FANCB: variants seen among roughly 807,000 people sequenced by gnomAD.
FANCB encodes the protein Fanconi anemia group B protein.
A neutral mutation model predicts 38.9 loss-of-function variants in FANCB; 5 were observed. That is an observed-to-expected ratio of 0.13 (90% CI 0.07 to 0.27). The LOEUF (loss-of-function observed/expected upper bound fraction) is 0.27. FANCB is among the 10% of genes least tolerant of loss of function. FANCB has a pLI of 1.00. For synonymous variants in FANCB, 236 were observed against 215.4 expected, an observed-to-expected ratio of 1.10 and a Z score of -0.84; for missense variants, 573 against 602.7, an observed-to-expected ratio of 0.95 and a Z score of 0.52.
the FANCB span, among the ~76,000 whole-genome samples, chrX:14,753,813 C>T: frequency 1.2e-4 from 14 of 112,064 alleles, no homozygotes; most frequent in South Asian, 3.7e-4. Context: ...TGTGGCAGAG[C>T]GCTTCCCTAG....
the FANCB span, among the ~76,000 whole-genome samples, chrX:14,809,310 G>A: frequency 1.8e-5 from 2 of 112,489 alleles, no homozygotes; most frequent in South Asian, 3.7e-4. Context: ...TCTCACTAGG[G>A]AGTGCCAGAC....
At chrX:14,699,163 T>C in the FANCB span, among the ~76,000 whole-genome samples, 1 of 112,184 alleles carries the variant, frequency 8.9e-6, no homozygotes, top group Non-Finnish European at 1.9e-5. Context: ...TGTTTTAATG[T>C]TATCGCCTCT....
the FANCB span, among the ~76,000 whole-genome samples, chrX:14,742,966 C>T: frequency 8.8e-6 from 1 of 113,063 alleles, no homozygotes; most frequent in East Asian, 2.8e-4. Context: ...CCAAATCATC[C>T]TGTGAACACA....
At chrX:14,691,375 A>G in the FANCB span, among the ~76,000 whole-genome samples, 1 of 107,569 alleles carries the variant, frequency 9.3e-6, no homozygotes, top group African/African-American at 3.4e-5. Flanking sequence ...TTTTTCATCA[A>G]TTGCTCTGGC....
chrX:14,858,175 T>C (rs2092430976), intron 4 of FANCB, among the ~76,000 whole-genome samples: 2 of 111,377 alleles, frequency 1.8e-5, no homozygotes, highest in Non-Finnish European at 1.9e-5. Context: ...GCAGATCACC[T>C]GAGGTCAGGA....
the FANCB span, among the ~76,000 whole-genome samples, chrX:14,799,946 T>C: frequency 8.9e-6 from 1 of 111,922 alleles, no homozygotes; most frequent in Non-Finnish European, 1.9e-5. Context: ...TTGTCTAGTT[T>C]CTCCTTGCTG....
At chrX:14,826,691 TTC>T in the FANCB span, among the ~76,000 whole-genome samples, 2 of 112,220 alleles carry the variant, frequency 1.8e-5, no homozygotes, top group African/African-American at 6.5e-5. Flanking sequence ...TCGAGATTAG[TTC>T]TCTGAGACAG....
intron 3 of FANCB, among the ~76,000 whole-genome samples, chrX:14,861,930 C>T (rs956194865): frequency 1.1e-4 from 12 of 111,051 alleles, no homozygotes; most frequent in Non-Finnish European, 1.9e-4. Context: ...CTGCAACCTC[C>T]ACCTCCCAGG....
chrX:14,814,731 A>T, the FANCB span, among the ~76,000 whole-genome samples: 1 of 112,309 alleles, frequency 8.9e-6, no homozygotes, highest in Non-Finnish European at 1.9e-5. Context: ...GGGAACGTAA[A>T]CTAGTTCAAC....
chrX:14,775,163 T>TTTTG, the FANCB span, among the ~76,000 whole-genome samples: 2 of 68,852 alleles, frequency 2.9e-5, no homozygotes, highest in Non-Finnish European at 4.7e-5. Flanking sequence ...CTCTAATGTT[T>TTTTG]TTTTTTTTTT....
the FANCB span, among the ~76,000 whole-genome samples, chrX:14,785,519 G>A: frequency 8.9e-6 from 1 of 111,998 alleles, no homozygotes; most frequent in Non-Finnish European, 1.9e-5. Flanking sequence ...TTCTTACCGA[G>A]TGTTAAATCC....
rs187033460 is a variant in FANCB at position 14,848,847 on chromosome X, C to A, written c.1496+1658G>T. Among the ~76,000 whole-genome samples the A allele has an allele frequency of 3.0e-3, 331 of 111,060 alleles. 1 individual carries two copies. Among genetic ancestry groups the A allele is most frequent in the African/African-American group, 9.7e-3 (297 of 30,494 alleles). Reference sequence around the variant, plus strand: ...ACTAACCTACCCCCGCCCTCACTAACCTTAATAATAAATGCTGGTATATCC... The same window carrying A: ...ACTAACCTACCCCCGCCCTCACTAAACTTAATAATAAATGCTGGTATATCC... On this transcript the variant is annotated intron_variant, in intron 7 of 9. Transcript: ENST00000650831.
chrX:14,727,630 T>C, the FANCB span, among the ~76,000 whole-genome samples: 12 of 112,476 alleles, frequency 1.1e-4, no homozygotes, highest in African/African-American at 3.9e-4. Flanking sequence ...TATCCAGTTA[T>C]TCCACATTTT....
the FANCB span, among the ~76,000 whole-genome samples, chrX:14,722,723 C>T: frequency 1.8e-5 from 2 of 111,463 alleles, no homozygotes; most frequent in African/African-American, 6.5e-5. Context: ...TTTGCCTTGC[C>T]AACATGCCAC....
the FANCB span, among the ~76,000 whole-genome samples, chrX:14,707,743 T>C: frequency 7.9e-5 from 7 of 89,025 alleles, no homozygotes; most frequent in South Asian, 3.4e-3. Context: ...TTTTCCTACT[T>C]TGACAGCAAA....
At chrX:14,816,730 A>C in the FANCB span, among the ~76,000 whole-genome samples, 15 of 112,061 alleles carry the variant, frequency 1.3e-4, no homozygotes, top group Non-Finnish European at 2.6e-4. Context: ...ATTGAGAACC[A>C]CTTTTCTAAG....
chrX:14,737,925 A>G, the FANCB span, among the ~76,000 whole-genome samples: 25 of 112,109 alleles, frequency 2.2e-4, no homozygotes, highest in African/African-American at 7.8e-4. Context: ...GCCTAACCCC[A>G]TAAGTATCCC....
At chrX:14,705,788 G>T in the FANCB span, among the ~76,000 whole-genome samples, 1 of 111,749 alleles carries the variant, frequency 8.9e-6, no homozygotes, top group Non-Finnish European at 1.9e-5. Context: ...TAATGAACAG[G>T]GGCATGAATT....
chrX:14,725,855 C>CG, the FANCB span, among the ~76,000 whole-genome samples: 1 of 112,092 alleles, frequency 8.9e-6, no homozygotes, highest in African/African-American at 3.2e-5. Context: ...ATACAGCAGA[C>CG]GGGATTAAGG....
Sources: allele counts gnomAD v4.1 joint callset (sites outside exome capture counted in the v4.1 genomes callset), GRCh38; gene constraint gnomAD v4.1.1; transcripts MANE v1.5; gene names NCBI Gene and HGNC (gene_info 2026-07-23, HGNC 2026-07-21).